The following BPIFC variants were observed in gnomAD, a reference collection of about 807,000 sequenced individuals.
BPIFC encodes the protein BPI fold-containing family C protein.
A neutral mutation model predicts 57.6 loss-of-function variants in BPIFC; 60 were observed. That is an observed-to-expected ratio of 1.04 (90% CI 0.85 to 1.29). The LOEUF is 1.29. BPIFC is among the 50% of genes most tolerant of loss of function. The pLI is 0.00. For missense variants in BPIFC, 581 were observed against 600.5 expected, an observed-to-expected ratio of 0.97 and a Z score of 0.34; for synonymous variants, 243 against 224.5, an observed-to-expected ratio of 1.08 and a Z score of -0.74.
chr22:32,424,574 TTTCTTCTTCTTCTTC>T (rs148930460), intron 13 of BPIFC, among the ~76,000 whole-genome samples: 1,367 of 68,630 alleles, frequency 0.02, 28 homozygotes, highest in East Asian at 0.032. Context: ...TGTTATTTTC[TTTCTTCTTCTTCTTC>T]TTCTTCTTCT....
chr22:32,455,050 C>CT (rs1392514246), intron 3 of BPIFC, among the ~76,000 whole-genome samples: 57 of 134,156 alleles, frequency 4.2e-4, no homozygotes, highest in South Asian at 4.6e-4. Context: ...TTTTCATCTC[C>CT]ATTTTTTTTT....
intron 12 of BPIFC, 117 bp downstream of exon 12, chr22:32,432,256 C>T: frequency 3.5e-6 from 4 of 1,147,694 alleles, no homozygotes; most frequent in African/African-American, 1.6e-5. Flanking sequence ...TCCATCCTCA[C>T]TCTTAATCAA....
chr22:32,445,809 T>G, intron 6 of BPIFC, 32 bp downstream of exon 6: 1 of 1,550,916 alleles, frequency 6.4e-7, no homozygotes, highest in Non-Finnish European at 8.8e-7. Flanking sequence ...AGCCCCTAAC[T>G]AGCCACTGCC....
rs192331485 is a variant in BPIFC, at chr22:32,448,992, G to C, written c.246-1652C>G. Among the ~76,000 whole-genome samples the C allele has an allele frequency of 3.9e-5, 6 of 152,182 alleles. 1 individual carries two copies. Among genetic ancestry groups the C allele is most frequent in the African/African-American group, 1.4e-4 (6 of 41,534 alleles). ...CTATTGAGTGGTTGCTACCTGCCAG[G>C]CATTGTGGTAAGTGCATTACACGCA... On this transcript the variant is annotated intron_variant, in intron 4 of 16. Transcript: ENST00000300399.
At chr22:32,447,397 AG>A in intron 4 of BPIFC, 57 bp from the exon 5 acceptor site, 3 of 1,572,082 alleles carry the variant, frequency 1.9e-6, no homozygotes, top group Non-Finnish European at 2.6e-6. Context: ...TCTTCAGTCA[AG>A]CAAACTTGGG....
At chr22:32,459,654 C>T (rs1935119466) in intron 2 of BPIFC, among the ~76,000 whole-genome samples, 1 of 150,918 alleles carries the variant, frequency 6.6e-6, no homozygotes, top group African/African-American at 2.4e-5. Context: ...CAGAGTGAGA[C>T]TCCATTTCCA....
intron 10 of BPIFC, 97 bp from the exon 11 acceptor site, chr22:32,433,869 G>T: frequency 9.9e-7 from 1 of 1,012,990 alleles, no homozygotes; most frequent in Non-Finnish European, 1.5e-6. Flanking sequence ...GAATTGTGAA[G>T]CTGTTACACC....
At chr22:32,418,540 T>C (rs1343608365) in intron 14 of BPIFC, among the ~76,000 whole-genome samples, 1 of 152,200 alleles carries the variant, frequency 6.6e-6, no homozygotes, top group African/African-American at 2.4e-5. Flanking sequence ...CTTCAGACAT[T>C]GCCAGATGTC....
chr22:32,457,532 TCCATCCATCCATCCAA>T (rs1935066693), intron 2 of BPIFC, 146 bp from the exon 3 acceptor site: 1 of 843,984 alleles, frequency 1.2e-6, no homozygotes, highest in Non-Finnish European at 1.8e-6. Context: ...CATCCATCCA[TCCATCCATCCATCCAA>T]CCATCCATCC....
At chr22:32,416,044 G>C in intron 15 of BPIFC, 53 bp from the exon 16 acceptor site, 1 of 1,186,292 alleles carries the variant, frequency 8.4e-7, no homozygotes, top group East Asian at 2.8e-5. Flanking sequence ...AGAGGTTTTA[G>C]CAAGCTTTTT....
chr22:32,414,163 G>A lies in BPIFC; in HGVS notation c.*140C>T, dbSNP rs1037374140. 2 of 1,172,960 alleles carry A rather than the reference G, an allele frequency of 1.7e-6. No homozygotes were observed. The highest frequency in any genetic ancestry group is 3.1e-5 in the African/African-American group (2 of 64,282). The allele number at this position is 1,172,960 out of a possible 1,614,324, so 72.7% of individuals were successfully genotyped here. A position where few individuals can be genotyped will look rare whatever the true frequency, so the allele number is the denominator to read the frequency against. ...GTCTGCCTTATTCTGGGTTCCTGAA[G>A]GCTTAAGAAAGAAAACTTTCTGCCT... On this transcript the variant is annotated 3_prime_UTR_variant, in exon 17 of 17. Coordinates refer to ENST00000300399, the MANE Select transcript of BPIFC (RefSeq NM_174932.3).
chr22:32,421,262 T>C (rs978232349), intron 13 of BPIFC, among the ~76,000 whole-genome samples: 8 of 152,218 alleles, frequency 5.3e-5, no homozygotes, highest in African/African-American at 1.9e-4. Context: ...TATGCAATAA[T>C]AATGATACTA....
chr22:32,431,118 CTTTT>C (rs531325756), intron 13 of BPIFC, among the ~76,000 whole-genome samples: 17 of 138,794 alleles, frequency 1.2e-4, no homozygotes, highest in Middle Eastern at 3.8e-3. Flanking sequence ...GTTAACGTCC[CTTTT>C]TTTTTTTTTT....
intron 13 of BPIFC, among the ~76,000 whole-genome samples, chr22:32,430,522 AACAT>A (rs1406016991): frequency 5.5e-5 from 8 of 145,200 alleles, no homozygotes; most frequent in Admixed American, 2.7e-4. Flanking sequence ...TAATATATAA[AACAT>A]AATATATTTT....
At chr22:32,444,440 T>A (rs1260760135) in intron 7 of BPIFC, among the ~76,000 whole-genome samples, 1 of 152,218 alleles carries the variant, frequency 6.6e-6, no homozygotes, top group Non-Finnish European at 1.5e-5. Flanking sequence ...ACTAGAGAGA[T>A]GGACGTGACC....
At chr22:32,417,755 A>G (rs1043248332) in intron 14 of BPIFC, among the ~76,000 whole-genome samples, 4 of 152,212 alleles carry the variant, frequency 2.6e-5, no homozygotes, top group Non-Finnish European at 5.9e-5. Context: ...AGATTTCCCA[A>G]TTAGCAATCT....
intron 7 of BPIFC, 116 bp from the exon 8 acceptor site, chr22:32,442,847 T>C: frequency 1.1e-6 from 1 of 951,286 alleles, no homozygotes; most frequent in East Asian, 2.6e-5. Context: ...ATTATCCCTT[T>C]GGTCATCGAG....
In BPIFC at chr22:32,447,607, C is replaced by CTTTT. The variant is rs11375413; in HGVS notation, c.246-271_246-268dup. Among the ~76,000 whole-genome samples the CTTTT allele has an allele frequency of 8.3e-5, 11 of 132,822 alleles. 1 individual carries two copies. Among genetic ancestry groups the CTTTT allele is most frequent in the South Asian group, 2.4e-4 (1 of 4,150 alleles). The allele number at this position is 132,822 out of a possible 152,430, so 87.1% of individuals were successfully genotyped here. ...TGTAATTTTTCTTCTCTCTCGCTCT[C>CTTTT]TTTTTTTTTTTTTTTTTGAGACAGG... On this transcript the variant is annotated intron_variant, in intron 4 of 16. Transcript: ENST00000300399.
chr22:32,447,286 T>TAA lies in BPIFC; in HGVS notation c.299_300insTT (p.Val101Ter). 1 of 1,614,084 alleles carries TAA rather than the reference T, an allele frequency of 6.2e-7. No individual in the cohort carries two copies. The highest frequency in any genetic ancestry group is 8.5e-7 in the Non-Finnish European group (1 of 1,180,000). ...GGTTGGTTAGCGCTTTGATTCCCAC[T>TAA]CCAGGCACAAAAGCCAATGAGGTAT... On this transcript the variant is annotated frameshift_variant, in exon 5 of 17. Transcript: ENST00000300399. LOFTEE classifies it high-confidence loss of function.
Sources: gnomAD v4.1 joint callset for allele counts (sites outside exome capture counted in the v4.1 genomes callset) on GRCh38, gnomAD v4.1.1 for gene constraint, MANE v1.5 for transcripts, NCBI Gene and HGNC (gene_info 2026-07-23, HGNC 2026-07-21) for gene names.